Variants in RTL1 observed in about 807,000 individuals in gnomAD.
RTL1 encodes the protein retrotransposon-like protein 1.
For missense variants in RTL1, 1,681 were observed against 1,767.5 expected, an observed-to-expected ratio of 0.95 and a Z score of 0.88; for synonymous variants, 727 against 748.4, an observed-to-expected ratio of 0.97 and a Z score of 0.47.
chr14:100,887,797 T>G (rs1409334344), intron 3 of RTL1, among the ~76,000 whole-genome samples: 2 of 152,076 alleles, frequency 1.3e-5, no homozygotes, highest in Non-Finnish European at 2.9e-5. Context: ...TTCCTTAGCA[T>G]GGCATAAAAA....
In RTL1 at chr14:100,884,685, G is replaced by A. The variant is rs755868800; in HGVS notation, c.104C>T (p.Ala35Val). 8.7e-6 allele frequency: 14 copies of A among 1,613,540 alleles called. No individual in the cohort carries two copies. In the East Asian group the frequency reaches 1.1e-4, roughly 13 times the overall value. Reference protein sequence around the residue: ...SSEGSSNTTEATSGSGVRGEA... With the variant: ...SSEGSSNTTEVTSGSGVRGEA... ...TCCCCGCACTCCACTGCCCGACGTC[G>A]CCTCGGTGGTGTTGGATGAGCCCTC... The change falls in exon 4 of 4, where the codon GCG becomes GTG. Residue 35 changes from alanine to valine, a missense_variant. By Grantham distance (64) the Ala-to-Val change is moderately conservative. Coordinates refer to ENST00000649591, the MANE Select transcript of RTL1 (RefSeq NM_001134888.3).
At chr14:100,891,415 C>T (rs2038776120) in intron 3 of RTL1, among the ~76,000 whole-genome samples, 1 of 152,184 alleles carries the variant, frequency 6.6e-6, no homozygotes, top group Admixed American at 6.5e-5. Flanking sequence ...TACAGTAGAA[C>T]TACGCTGTCC....
chr14:100,880,661 T>C lies in RTL1; in HGVS notation c.*51A>G. On this transcript the variant is annotated 3_prime_UTR_variant, in exon 4 of 4. Coordinates refer to ENST00000649591, the MANE Select transcript of RTL1 (RefSeq NM_001134888.3). ...GGGGAGGCCAGGGGACGTCGGGAGG[T>C]GTTGGGGTGAGAAATAGAGGGGACT... 6 of 1,540,592 alleles carry C rather than the reference T, an allele frequency of 3.9e-6. No individual in the cohort carries two copies. Among genetic ancestry groups the C allele is most frequent in the Non-Finnish European group, 5.2e-6 (6 of 1,143,626 alleles).
At chr14:100,894,339 AAAG>A (rs1359765818) in intron 2 of RTL1, among the ~76,000 whole-genome samples, 3 of 150,266 alleles carry the variant, frequency 2.0e-5, no homozygotes, top group Non-Finnish European at 4.4e-5. Flanking sequence ...AAAAAAAAGA[AAAG>A]AAAAAAACGT....
intron 2 of RTL1, among the ~76,000 whole-genome samples, chr14:100,894,228 T>A (rs1444439657): frequency 6.8e-6 from 1 of 146,918 alleles, no homozygotes; most frequent in Non-Finnish European, 1.5e-5. Context: ...GAGAATTACT[T>A]GAATCTGAGA....
At chr14:100,890,613 C>G (rs1160968113) in intron 3 of RTL1, among the ~76,000 whole-genome samples, 1 of 151,986 alleles carries the variant, frequency 6.6e-6, no homozygotes, top group African/African-American at 2.4e-5. Flanking sequence ...GCCATGCCTC[C>G]TCTCCTGGCC....
At chr14:100,892,512 A>G (rs1257479559) in intron 3 of RTL1, among the ~76,000 whole-genome samples, 1 of 152,216 alleles carries the variant, frequency 6.6e-6, no homozygotes, top group African/African-American at 2.4e-5. Flanking sequence ...CAGAACACCC[A>G]CTGTAATTGT....
rs2038655571 is a variant in RTL1 at position 100,883,730 on chromosome 14, G to A, written c.1059C>T (p.Leu353=). The change falls in exon 4 of 4, where the codon CTC becomes CTT. Residue 353 remains leucine, a synonymous_variant. Transcript: ENST00000649591. The surrounding 1 kb of genome is among the most constrained non-coding windows in gnomAD (Gnocchi z 5.9). ...CCAGCTTCTCTTCTATTTGCAGGAT[G>A]AGCACAATCAGACTGTCTAGGGAAT... ...QPDSLDSLIV[L]ILQIEEKLAE... 3 of 1,551,674 alleles carry A rather than the reference G, an allele frequency of 1.9e-6. No homozygotes were observed. The highest frequency in any genetic ancestry group is 2.6e-6 in the Non-Finnish European group (3 of 1,147,006).
At chr14:100,899,359 C>T (rs77211979) in intron 2 of RTL1, among the ~76,000 whole-genome samples, 1,608 of 152,274 alleles carry the variant, frequency 0.011, 20 homozygotes, top group Non-Finnish European at 0.018. Flanking sequence ...GGTCCCAGAA[C>T]AGGAGGAGGA....
rs1257813176 is a variant in RTL1, at chr14:100,882,084, C to A, written c.2705G>T (p.Cys902Phe). The A allele has an allele frequency of 1.6e-5, 25 of 1,592,336 alleles. No individual in the cohort carries two copies. The highest frequency in any genetic ancestry group is 2.1e-5 in the Non-Finnish European group (25 of 1,168,778). Residue 902 changes from cysteine to phenylalanine, a missense_variant, in exon 4 of 4, where the codon TGC (cysteine) becomes TTC (phenylalanine). Transcript: ENST00000649591. ...QIDDQTGKRA[C>F]CAFYSRNISP... ...GATGTTGCGGGAGTAGAAAGCGCAG[C>A]AGGCTCTCTTGCCGGTTTGGTCGTC...
At position 100,880,421 on chromosome 14, in the gene RTL1, T is replaced by C. The variant is rs1371215731; in HGVS notation, c.*291A>G. 6.6e-6 allele frequency among the ~76,000 whole-genome samples: 1 copy of C among 152,092 alleles called. No homozygotes were observed. Reference sequence around the variant, plus strand: ...GGGGTCACTTCCTGCTCACCACTGCTTTCTCCCTCATGGATGTCACTCCCG... The same window carrying C: ...GGGGTCACTTCCTGCTCACCACTGCCTTCTCCCTCATGGATGTCACTCCCG... On this transcript the variant is annotated 3_prime_UTR_variant, in exon 4 of 4. Coordinates refer to ENST00000649591, the MANE Select transcript of RTL1 (RefSeq NM_001134888.3).
At chr14:100,892,622 A>G (rs542838852) in intron 3 of RTL1, among the ~76,000 whole-genome samples, 10 of 152,272 alleles carry the variant, frequency 6.6e-5, no homozygotes, top group African/African-American at 2.2e-4. Context: ...TAAGTAAACT[A>G]GAGTCCAGAG....
chr14:100,901,737 G>A (rs953609925), intron 2 of RTL1, among the ~76,000 whole-genome samples: 1 of 152,010 alleles, frequency 6.6e-6, no homozygotes, highest in Non-Finnish European at 1.5e-5. Flanking sequence ...CACTCTAGGT[G>A]TTCTGGCCCT....
At position 100,883,087 on chromosome 14, in the gene RTL1, G is replaced by A; in HGVS notation, c.1702C>T (p.Pro568Ser). Residue 568 changes from proline to serine, a missense_variant, in exon 4 of 4, where the codon CCG (proline) becomes TCG (serine). Transcript: ENST00000649591. This position sits in a 1 kb window ranked among gnomAD's most constrained non-coding sequence, Gnocchi z 5.9. ...GAAGTCTCATCATCTGCTTCCTTCGGGTTAAACACGTCGGCCAGGTCTGAG... is the reference window on the plus strand; with the variant it reads ...GAAGTCTCATCATCTGCTTCCTTCGAGTTAAACACGTCGGCCAGGTCTGAG... ...PYSDLADVFNPKEADDETSDQ... is the reference protein window; with the variant it reads ...PYSDLADVFNSKEADDETSDQ... 6.2e-7 allele frequency: 1 copy of A among 1,613,980 alleles called. No individual in the cohort carries two copies. Among genetic ancestry groups the A allele is most frequent in the South Asian group, 1.1e-5 (1 of 91,008 alleles).
chr14:100,884,618 C>G lies in RTL1; in HGVS notation c.171G>C (p.Glu57Asp), dbSNP rs759857950. 1.2e-6 allele frequency: 2 copies of G among 1,613,810 alleles called. No individual in the cohort carries two copies. Among genetic ancestry groups the G allele is most frequent in the South Asian group, 1.1e-5 (1 of 91,032 alleles). Reference protein sequence around the residue: ...PASGPAQEKKEPPSGPLQEME... With the variant: ...PASGPAQEKKDPPSGPLQEME... ...TTTCCTGGAGTGGGCCACTGGGGGGCTCCTTCTTTTCCTGGGCTGGGCCGC... is the reference window on the plus strand; with the variant it reads ...TTTCCTGGAGTGGGCCACTGGGGGGGTCCTTCTTTTCCTGGGCTGGGCCGC... The change falls in exon 4 of 4, where the codon GAG becomes GAC. Residue 57 changes from glutamate (E) to aspartate (D), a missense_variant. Physicochemically the swap from Glu to Asp is conservative, Grantham distance 45 (BLOSUM62 2). Coordinates refer to ENST00000649591, the MANE Select transcript of RTL1 (RefSeq NM_001134888.3).
chr14:100,881,597 G>C lies in RTL1; in HGVS notation c.3192C>G (p.Leu1064=). ...TGATCTGGGCCATGCTGAAGTGGGCGAGGAAGCTGTTGAGGATCTGGTCGA... is the reference window on the plus strand; with the variant it reads ...TGATCTGGGCCATGCTGAAGTGGGCCAGGAAGCTGTTGAGGATCTGGTCGA... ...IPIDQILNSF[L]AHFSMAQIRA... The change falls in exon 4 of 4, where the codon CTC becomes CTG. Residue 1064 remains leucine, a synonymous_variant. Transcript: ENST00000649591. This position sits in a 1 kb window ranked among gnomAD's most constrained non-coding sequence, Gnocchi z 6.6. 1 of 1,551,814 alleles carries C rather than the reference G, an allele frequency of 6.4e-7. No individual in the cohort carries two copies. The highest frequency in any genetic ancestry group is 2.4e-5 in the East Asian group (1 of 40,926).
At chr14:100,897,310 TC>T (rs1055761091) in intron 2 of RTL1, among the ~76,000 whole-genome samples, 104 of 151,036 alleles carry the variant, frequency 6.9e-4, no homozygotes, top group South Asian at 2.1e-4. Flanking sequence ...GCAAATTAAA[TC>T]CCCCCCACAC....
chr14:100,900,397 G>C (rs2038925274), intron 2 of RTL1, among the ~76,000 whole-genome samples: 1 of 152,200 alleles, frequency 6.6e-6, no homozygotes, highest in Non-Finnish European at 1.5e-5. Context: ...GTGAACAAAG[G>C]CTCCGCTCTC....
At chr14:100,901,747 T>C (rs1007663215) in intron 2 of RTL1, among the ~76,000 whole-genome samples, 6 of 151,890 alleles carry the variant, frequency 4.0e-5, no homozygotes, top group Non-Finnish European at 8.8e-5. Flanking sequence ...GTTCTGGCCC[T>C]CAAGAGGGGA....
Sources: gnomAD v4.1 joint callset for allele counts (sites outside exome capture counted in the v4.1 genomes callset) on GRCh38, gnomAD v4.1.1 for gene constraint, Gnocchi (gnomAD v3.1) non-coding constraint, MANE v1.5 for transcripts, NCBI Gene and HGNC (gene_info 2026-07-23, HGNC 2026-07-21) for gene names.